Variants in SDHA observed in about 807,000 individuals in gnomAD.
The protein encoded by SDHA is succinate dehydrogenase [ubiquinone] flavoprotein subunit, mitochondrial.
A neutral mutation model predicts 78.4 loss-of-function variants in SDHA; 48 were observed. The ratio of observed to expected loss-of-function variants is 0.61; its 90% CI spans 0.49 to 0.78. The LOEUF is 0.78. Ranked by LOEUF, SDHA falls within the 30% of genes least tolerant of loss-of-function variation. The pLI is 0.00. For synonymous variants in SDHA, 326 were observed against 353.9 expected (o/e 0.92, Z 0.88); for missense variants, 680 against 892.7 (o/e 0.76, Z 3.04).
chr5:227,617 C>T (rs1735118624), intron 5 of SDHA: 1 of 177,758 alleles, frequency 5.6e-6, no homozygotes. Context: ...ACAAGAGCGA[C>T]TTGTGCTGGC....
intron 11 of SDHA, among the ~76,000 whole-genome samples, chr5:242,209 C>A (rs1405483041): frequency 6.6e-6 from 1 of 152,124 alleles, no homozygotes; most frequent in African/African-American, 2.4e-5. Context: ...GGAACAGGCC[C>A]CCAAATGTGG....
chr5:230,090 G>A (rs1460438357), intron 6 of SDHA, among the ~76,000 whole-genome samples: 12 of 152,138 alleles, frequency 7.9e-5, no homozygotes, highest in African/African-American at 1.2e-4. Context: ...GACGTTAGGC[G>A]TCTGTATCTC....
chr5:226,615 G>GAAC (rs1391069346), intron 5 of SDHA, among the ~76,000 whole-genome samples: 5 of 151,570 alleles, frequency 3.3e-5, no homozygotes, highest in African/African-American at 9.7e-5. Context: ...CTGGGCAACA[G>GAAC]GAGACCCTGT....
At chr5:224,918 G>A in intron 3 of SDHA, 1 of 348,850 alleles carries the variant, frequency 2.9e-6, no homozygotes, top group Non-Finnish European at 5.5e-6. Flanking sequence ...ACTCTCTGAG[G>A]GGTAAGACAG....
chr5:256,277 A>G (rs1479776580), intron 14 of SDHA, 57 bp from the exon 15 acceptor site: 9 of 1,080,386 alleles, frequency 8.3e-6, no homozygotes, highest in Middle Eastern at 2.1e-4. Flanking sequence ...AAGGAACACA[A>G]GAGATGGCTT....
rs184075557 is a variant in SDHA, at chr5:247,918, C to T, written c.1552-3074C>T. On this transcript the variant is annotated intron_variant, in intron 11 of 14. Transcript: ENST00000264932. ...GCCATAGTGGAAAGAATGAATCTTT[C>T]CCTGAAACAGCAGCTGCAAAAGTAA... is the stretch of plus-strand genomic sequence containing the variant. Among the ~76,000 whole-genome samples the T allele has an allele frequency of 1.6e-3, 250 of 152,328 alleles. 1 individual carries two copies. The highest frequency in any genetic ancestry group is 2.8e-3 in the Non-Finnish European group (188 of 68,030).
chr5:224,500 G>A lies in SDHA; in HGVS notation c.291G>A (p.Arg97=). 3 of 1,612,804 alleles carry A rather than the reference G, an allele frequency of 1.9e-6. No homozygotes were observed. The highest frequency in any genetic ancestry group is 1.1e-5 in the South Asian group (1 of 91,012). Residue 97 remains arginine (R), a synonymous_variant, in exon 3 of 15, where the codon AGG becomes AGA. Coordinates refer to ENST00000264932, the MANE Select transcript of SDHA (RefSeq NM_004168.4). The part of the protein sequence containing the change: ...TACVTKLFPT[R]SHTVAAQGGI... Reference sequence around the variant, plus strand: ...GTGTTACCAAGCTGTTTCCTACCAGGTCACACACTGTTGCAGCACAGGTAA... The same window carrying A: ...GTGTTACCAAGCTGTTTCCTACCAGATCACACACTGTTGCAGCACAGGTAA...
chr5:226,156 A>G lies in SDHA; in HGVS notation c.621+109A>G, dbSNP rs2126551200. On this transcript the variant is annotated intron_variant, in intron 5 of 14. Transcript: ENST00000264932. ...TGAGTCAGCCAGAGATTACGTAAAA[A>G]GCAACAGAGAACAGCAGCGTGGGGC... 2.3e-6 allele frequency: 3 copies of G among 1,278,922 alleles called. No homozygotes were observed. In the East Asian group the frequency reaches 7.3e-5, roughly 31 times the overall value. 79.2% of individuals were successfully genotyped at this position (1,278,922 alleles called of 1,614,324 possible). A position where few individuals can be genotyped will look rare whatever the true frequency, so the allele number is the denominator to read the frequency against.
intron 11 of SDHA, among the ~76,000 whole-genome samples, chr5:242,976 T>G (rs1001142173): frequency 5.9e-5 from 9 of 152,166 alleles, no homozygotes; most frequent in Non-Finnish European, 1.0e-4. Flanking sequence ...CACCCCCTCC[T>G]TATTTTGAAG....
chr5:263,895 T>C, the SDHA span, among the ~76,000 whole-genome samples: 1 of 152,216 alleles, frequency 6.6e-6, no homozygotes, highest in Non-Finnish European at 1.5e-5. Flanking sequence ...AGGACTTTAC[T>C]CACAGAGTTC....
chr5:240,245 A>G, intron 10 of SDHA, 113 bp from the exon 11 acceptor site: 1 of 710,172 alleles, frequency 1.4e-6, no homozygotes. Context: ...GGAGACTTAC[A>G]GAGTTTCCAA....
At chr5:219,524 T>C (rs1398916152) in intron 1 of SDHA, among the ~76,000 whole-genome samples, 4 of 152,250 alleles carry the variant, frequency 2.6e-5, no homozygotes, top group African/African-American at 9.6e-5. Flanking sequence ...GAAATACTTA[T>C]TAAAAATCTC....
Position 248,690 on chromosome 5 carries a change from T to C in SDHA, c.1552-2302T>C, listed in dbSNP as rs139602694. 5.4e-3 allele frequency among the ~76,000 whole-genome samples: 822 copies of C among 152,274 alleles called. 21 individuals carry two copies. The highest frequency in any genetic ancestry group is 0.044 in the Admixed American group (673 of 15,292). ...AATGAACGTACATGTTTGGGAAGAT[T>C]GCATTGCAGAACAGGCAGGGGTGCT... On this transcript the variant is annotated intron_variant, in intron 11 of 14. Transcript: ENST00000264932.
At chr5:230,082 C>T (rs1367968466) in intron 6 of SDHA, among the ~76,000 whole-genome samples, 5 of 152,058 alleles carry the variant, frequency 3.3e-5, no homozygotes, top group Middle Eastern at 3.2e-3. Context: ...AGATAGTAGA[C>T]GTTAGGCGTC....
rs756966025 is a variant in SDHA, at chr5:228,291, C to G, written c.728C>G (p.Ser243Cys). Residue 243 changes from serine to cysteine, a missense_variant, in exon 6 of 15, where the codon TCC (serine) becomes TGC (cysteine). Physicochemically the swap from Ser to Cys is moderately radical, Grantham distance 112. Transcript: ENST00000264932. Reference sequence around the variant, plus strand: ...ATCGCACTGTGCATAGAGGACGGGTCCATCCATCGCATAAGAGCAAAGAAC... The same window carrying G: ...ATCGCACTGTGCATAGAGGACGGGTGCATCCATCGCATAAGAGCAAAGAAC... Reference protein sequence around the residue: ...GVIALCIEDGSIHRIRAKNTV... With the variant: ...GVIALCIEDGCIHRIRAKNTV... 6.2e-7 allele frequency: 1 copy of G among 1,613,880 alleles called. No homozygotes were observed. The highest frequency in any genetic ancestry group is 8.5e-7 in the Non-Finnish European group (1 of 1,179,844).
chr5:230,384 T>C (rs754234076), intron 6 of SDHA, among the ~76,000 whole-genome samples: 27 of 152,310 alleles, frequency 1.8e-4, no homozygotes, highest in Non-Finnish European at 2.9e-4. Flanking sequence ...CCCGGCACTT[T>C]GGGAGGCCAA....
chr5:233,780 G>T lies in SDHA; in HGVS notation c.1064+135G>T, dbSNP rs530094027. On this transcript the variant is annotated intron_variant, in intron 8 of 14. Coordinates refer to ENST00000264932, the MANE Select transcript of SDHA (RefSeq NM_004168.4). ...AGCCACCTCTCTTAGCTGCTGGCAG[G>T]CGTCTGTTAGTCTGCGATATTTTCC... 32 of 852,418 alleles carry T rather than the reference G, an allele frequency of 3.8e-5. No individual in the cohort carries two copies. The Admixed American group carries it at 6.2e-4, about 17-fold the overall frequency. The allele number at this position is 852,418 out of a possible 1,614,324, so 52.8% of individuals were successfully genotyped here. A position where few individuals can be genotyped will look rare whatever the true frequency, so the allele number is the denominator to read the frequency against.
chr5:267,649 G>T, the SDHA span, among the ~76,000 whole-genome samples: 1 of 152,324 alleles, frequency 6.6e-6, no homozygotes, highest in South Asian at 2.1e-4. Context: ...CAAATTAGCT[G>T]AGAGAAACGA....
intron 2 of SDHA, 137 bp from the exon 3 acceptor site, chr5:224,223 A>T: frequency 1.1e-6 from 1 of 919,202 alleles, no homozygotes; most frequent in South Asian, 1.3e-5. Context: ...TTCAGGGCTC[A>T]GCCCCAGGAC....
Sources: gnomAD v4.1 joint callset for allele counts (sites outside exome capture counted in the v4.1 genomes callset) on GRCh38, gnomAD v4.1.1 for gene constraint, MANE v1.5 for transcripts, NCBI Gene and HGNC (gene_info 2026-07-23, HGNC 2026-07-21) for gene names.